Variants in NPIPB8 observed in about 807,000 individuals in gnomAD.
NPIPB8 encodes nuclear pore complex-interacting protein family member B8.
A neutral mutation model predicts 5.3 loss-of-function variants in NPIPB8; 3 were observed. The ratio of observed to expected loss-of-function variants is 0.57; its 90% confidence interval spans 0.26 to 1.47. The LOEUF (loss-of-function observed/expected upper bound fraction) is 1.47. NPIPB8 is among the 40% of genes most tolerant of loss of function. The pLI is 0.13. For synonymous variants in NPIPB8, 18 were observed against 23.0 expected (o/e 0.78, Z 0.62); for missense variants, 50 against 50.2 (o/e 1.00, Z 0.01).
chr16:28,638,125 C>T lies in NPIPB8; in HGVS notation c.-64C>T, dbSNP rs2047824820. Reference sequence around the variant, plus strand: ...CTGAATGACGAATGAAACTATTGTTCCTGTTTCACACAGAAGAAAACTGAG... The same window carrying T: ...CTGAATGACGAATGAAACTATTGTTTCTGTTTCACACAGAAGAAAACTGAG... On this transcript the variant is annotated 5_prime_UTR_variant, in exon 1 of 8. Transcript: ENST00000683297. 8 of 648,200 alleles carry T rather than the reference C, an allele frequency of 1.2e-5. No homozygotes were observed. Among genetic ancestry groups the T allele is most frequent in the South Asian group, 9.9e-5 (5 of 50,630 alleles). 40.2% of individuals were successfully genotyped at this position (648,200 alleles called of 1,614,324 possible). A position where few individuals can be genotyped will look rare whatever the true frequency, so the allele number is the denominator to read the frequency against.
At chr16:28,639,912 T>A (rs2047864166) in intron 2 of NPIPB8, among the ~76,000 whole-genome samples, 1 of 150,412 alleles carries the variant, frequency 6.6e-6, no homozygotes, top group Non-Finnish European at 1.5e-5. Context: ...TGTCTGAATA[T>A]TGACAATCAG....
chr16:28,651,616 G>GTGTGTT (rs2048044172), intron 3 of NPIPB8, among the ~76,000 whole-genome samples: 1 of 73,978 alleles, frequency 1.4e-5, no homozygotes. Flanking sequence ...GTGTGTGTGT[G>GTGTGTT]TGTGTGTGTG....
chr16:28,642,926 A>T (rs892583053), intron 2 of NPIPB8, among the ~76,000 whole-genome samples: 3 of 152,198 alleles, frequency 2.0e-5, no homozygotes, highest in African/African-American at 7.2e-5. Context: ...GATTTAAAGC[A>T]GTGGTTTTCA....
intron 2 of NPIPB8, among the ~76,000 whole-genome samples, chr16:28,644,825 T>C (rs1354887665): frequency 1.1e-5 from 1 of 87,178 alleles, no homozygotes; most frequent in Non-Finnish European, 2.4e-5. Flanking sequence ...CGAAACCCCA[T>C]CTCTACAAAA....
At chr16:28,640,455 A>G (rs1383763615) in intron 2 of NPIPB8, among the ~76,000 whole-genome samples, 1 of 151,778 alleles carries the variant, frequency 6.6e-6, no homozygotes, top group African/African-American at 2.4e-5. Flanking sequence ...ATGGCTCCCA[A>G]CTCTTTTGCC....
intron 5 of NPIPB8, among the ~76,000 whole-genome samples, chr16:28,652,901 C>CTTT (rs1197252358): frequency 7.5e-4 from 68 of 90,798 alleles, no homozygotes; most frequent in Admixed American, 4.8e-3. Context: ...CACACCCAGG[C>CTTT]TTTTTTTTTT....
intron 2 of NPIPB8, among the ~76,000 whole-genome samples, chr16:28,642,856 G>A (rs1313164135): frequency 2.0e-5 from 3 of 152,024 alleles, no homozygotes; most frequent in Non-Finnish European, 4.4e-5. Context: ...CTTTCCATTT[G>A]TAGCATCAAT....
chr16:28,642,534 G>C lies in NPIPB8; in HGVS notation c.120+4054G>C, dbSNP rs368599916. On this transcript the variant is annotated intron_variant, in intron 2 of 7. Coordinates refer to ENST00000683297, the MANE Select transcript of NPIPB8 (RefSeq NM_001310136.2). ...GAGTCTCGCTCTGTCGCCTAGGCTGGAGTGCAGTGGTGCAATCTCGGCTCA... is the reference window on the plus strand; with the variant it reads ...GAGTCTCGCTCTGTCGCCTAGGCTGCAGTGCAGTGGTGCAATCTCGGCTCA... 1.4e-4 allele frequency among the ~76,000 whole-genome samples: 21 copies of C among 151,008 alleles called. No homozygotes were observed. In the East Asian group the frequency reaches 1.6e-3, roughly 11 times the overall value.
Position 28,638,607 on chromosome 16 carries a change from T to G in NPIPB8, c.120+127T>G, listed in dbSNP as rs543127543. ...AGTCACAGTACTGGCTTCTTCCTCT[T>G]TTTCTTTCCATACAAGTGGCTTAGG... On this transcript the variant is annotated intron_variant, in intron 2 of 7. Coordinates refer to ENST00000683297, the MANE Select transcript of NPIPB8 (RefSeq NM_001310136.2). 72 of 1,378,832 alleles carry G rather than the reference T, an allele frequency of 5.2e-5. 3 individuals are homozygous for G. In the African/African-American group the frequency reaches 1.0e-3, roughly 20 times the overall value. 85.4% of individuals were successfully genotyped at this position (1,378,832 alleles called of 1,614,324 possible).
At chr16:28,650,942 G>A (rs1390817749) in intron 3 of NPIPB8, among the ~76,000 whole-genome samples, 3 of 89,768 alleles carry the variant, frequency 3.3e-5, no homozygotes, top group South Asian at 7.3e-4. Flanking sequence ...CCATCTAACC[G>A]TGTTGAAGTG....
chr16:28,644,369 C>A (rs923372404), intron 2 of NPIPB8, among the ~76,000 whole-genome samples: 1 of 109,952 alleles, frequency 9.1e-6, no homozygotes, highest in Non-Finnish European at 1.9e-5. Flanking sequence ...CCTCCTCCAC[C>A]TCCTCCAGGT....
In NPIPB8 at chr16:28,641,441, G is replaced by A. The variant is rs1258690504; in HGVS notation, c.120+2961G>A. 2.1e-5 allele frequency among the ~76,000 whole-genome samples: 3 copies of A among 143,972 alleles called. No individual in the cohort carries two copies. The East Asian group carries it at 5.9e-4, about 28-fold the overall frequency. The allele number at this position is 143,972 out of a possible 152,430, so 94.5% of individuals were successfully genotyped here. ...CTCAGCATCCCAGCCTAGGCCCAAT[G>A]CCACTGAAGATGGACCTGCACCCTG... is the stretch of plus-strand genomic sequence containing the variant. On this transcript the variant is annotated intron_variant, in intron 2 of 7. Transcript: ENST00000683297.
chr16:28,642,276 T>G (rs571222928), intron 2 of NPIPB8, among the ~76,000 whole-genome samples: 16 of 151,794 alleles, frequency 1.1e-4, no homozygotes, highest in African/African-American at 3.6e-4. Flanking sequence ...TGGCTAATTT[T>G]TGTATTTTTA....
chr16:28,639,398 TAC>T (rs755245844), intron 2 of NPIPB8, among the ~76,000 whole-genome samples: 34 of 140,978 alleles, frequency 2.4e-4, no homozygotes, highest in East Asian at 4.0e-4. Context: ...TTTATATAGA[TAC>T]ACACACACAC....
chr16:28,644,916 T>C (rs997953163), intron 2 of NPIPB8, among the ~76,000 whole-genome samples: 1 of 99,068 alleles, frequency 1.0e-5, no homozygotes, highest in African/African-American at 3.9e-5. Context: ...GGAGGATCGC[T>C]TGGGCCGAGG....
At chr16:28,639,373 C>T (rs1044001366) in intron 2 of NPIPB8, among the ~76,000 whole-genome samples, 3 of 147,868 alleles carry the variant, frequency 2.0e-5, no homozygotes, top group African/African-American at 7.5e-5. Flanking sequence ...CAAAAATGAT[C>T]TTTTATTTTT....
chr16:28,639,122 G>A (rs1385101113), intron 2 of NPIPB8, among the ~76,000 whole-genome samples: 1 of 144,948 alleles, frequency 6.9e-6, no homozygotes, highest in East Asian at 2.0e-4. Flanking sequence ...CAAATCAACA[G>A]CTTCTAAACT....
At chr16:28,640,139 T>C (rs3927083) in intron 2 of NPIPB8, among the ~76,000 whole-genome samples, 14,674 of 149,428 alleles carry the variant, frequency 0.098, 1,104 homozygotes, top group African/African-American at 0.21. Flanking sequence ...CTGAAACCTA[T>C]GTGTGTCTGA....
intron 2 of NPIPB8, among the ~76,000 whole-genome samples, chr16:28,645,038 AC>A (rs2047975513): frequency 1.3e-5 from 1 of 77,888 alleles, no homozygotes. Flanking sequence ...TGGTTTGATG[AC>A]TTTTTTTTTT....
Sources: gnomAD v4.1 joint callset for allele counts (sites outside exome capture counted in the v4.1 genomes callset) on GRCh38, gnomAD v4.1.1 for gene constraint, MANE v1.5 for transcripts, NCBI Gene and HGNC (gene_info 2026-07-23, HGNC 2026-07-21) for gene names.